VWA8: variants seen among roughly 807,000 people sequenced by gnomAD.
VWA8 encodes the protein von Willebrand factor A domain-containing protein 8.
VWA8 carries 221 observed loss-of-function variants against 241.5 expected under a neutral mutation model. That is an observed-to-expected ratio of 0.91 (90% CI 0.82 to 1.02). VWA8 has a LOEUF of 1.02. VWA8 is among the 50% of genes least tolerant of loss of function. The pLI is 0.00. For missense variants in VWA8, 2,322 were observed against 2,328.7 expected, an observed-to-expected ratio of 1.00 and a Z score of 0.06; for synonymous variants, 852 against 827.1, an observed-to-expected ratio of 1.03 and a Z score of -0.52.
At chr13:41,696,678 T>C (rs1425509885) in intron 29 of VWA8, among the ~76,000 whole-genome samples, 1 of 152,166 alleles carries the variant, frequency 6.6e-6, no homozygotes, top group African/African-American at 2.4e-5. Flanking sequence ...ATAACATGAG[T>C]AATGTAAGCA....
chr13:41,611,792 T>G, intron 38 of VWA8, 60 bp from the exon 39 acceptor site: 1 of 1,600,264 alleles, frequency 6.2e-7, no homozygotes, highest in Admixed American at 1.7e-5. Context: ...GAACAAAAGT[T>G]GGGTCATGGT....
intron 22 of VWA8, 47 bp from the exon 23 acceptor site, chr13:41,729,724 A>T: frequency 6.3e-7 from 1 of 1,586,494 alleles, no homozygotes; most frequent in Non-Finnish European, 8.6e-7. Flanking sequence ...GAAGACAGCC[A>T]TTATTAAAAC....
chr13:41,780,398 C>T (rs1239528040), intron 19 of VWA8, among the ~76,000 whole-genome samples: 1 of 152,206 alleles, frequency 6.6e-6, no homozygotes, highest in Non-Finnish European at 1.5e-5. Flanking sequence ...TTATTACTTT[C>T]TCCTGAACTT....
intron 37 of VWA8, among the ~76,000 whole-genome samples, chr13:41,667,263 A>G (rs764095603): frequency 6.6e-6 from 1 of 152,228 alleles, no homozygotes. Flanking sequence ...AGTACATCAA[A>G]CTGCATTTAT....
intron 16 of VWA8, 40 bp downstream of exon 16, chr13:41,816,658 G>A (rs768972044): frequency 1.9e-6 from 3 of 1,552,346 alleles, no homozygotes; most frequent in Non-Finnish European, 2.6e-6. Flanking sequence ...CCAGCAGCAT[G>A]TCAACAATAG....
At chr13:41,925,027 A>G (rs371620128) in intron 2 of VWA8, among the ~76,000 whole-genome samples, 32 of 152,350 alleles carry the variant, frequency 2.1e-4, no homozygotes, top group East Asian at 1.7e-3. Flanking sequence ...AAAAGCATCA[A>G]GTCACATATA....
intron 21 of VWA8, among the ~76,000 whole-genome samples, chr13:41,737,259 A>T (rs571526073): frequency 6.6e-6 from 1 of 152,346 alleles, no homozygotes; most frequent in South Asian, 2.1e-4. Context: ...TCAAGTGAAG[A>T]TGAGTTCTTG....
At chr13:41,946,058 T>C (rs774681246) in intron 2 of VWA8, among the ~76,000 whole-genome samples, 11 of 151,828 alleles carry the variant, frequency 7.2e-5, no homozygotes, top group Non-Finnish European at 4.4e-5. Context: ...CTTGTTAAGA[T>C]TGATAACTGA....
chr13:41,614,391 C>T lies in VWA8; in HGVS notation c.4720+585G>A, dbSNP rs756932128. 5.3e-5 allele frequency among the ~76,000 whole-genome samples: 8 copies of T among 152,174 alleles called. No homozygotes were observed. The East Asian group carries it at 7.7e-4, about 15-fold the overall frequency. On this transcript the variant is annotated intron_variant, in intron 38 of 44. Transcript: ENST00000379310. ...AGCTGCCGCAGAGGAAAAAGGAAGA[C>T]GGCAGTCCTGGGAACAATGCCCTAG... is the stretch of plus-strand genomic sequence containing the variant.
chr13:41,901,596 A>C (rs1410158443), intron 4 of VWA8, among the ~76,000 whole-genome samples: 1 of 152,094 alleles, frequency 6.6e-6, no homozygotes, highest in Non-Finnish European at 1.5e-5. Flanking sequence ...GGCCAGTCGC[A>C]GTGGCTCACG....
intron 2 of VWA8, among the ~76,000 whole-genome samples, chr13:41,932,328 C>T (rs117651705): frequency 0.018 from 2,796 of 151,996 alleles, 42 homozygotes; most frequent in Non-Finnish European, 0.03. Context: ...AATAACCTCC[C>T]GAAAAGAAAA....
At chr13:41,920,240 G>T (rs1166883697) in intron 2 of VWA8, among the ~76,000 whole-genome samples, 1 of 152,142 alleles carries the variant, frequency 6.6e-6, no homozygotes, top group Non-Finnish European at 1.5e-5. Flanking sequence ...CCAAATTGCA[G>T]CTGTGCCCTA....
At position 41,677,128 on chromosome 13, in the gene VWA8, G is replaced by A. The variant is rs75557997; in HGVS notation, c.4328-1832C>T. On this transcript the variant is annotated intron_variant, in intron 35 of 44. Transcript: ENST00000379310. Reference sequence around the variant, plus strand: ...ATTTCAACATTTGGGGTTATGGCATGGGGATTGTGTTTTTTGGGATTATGA... The same window carrying A: ...ATTTCAACATTTGGGGTTATGGCATAGGGATTGTGTTTTTTGGGATTATGA... Among the ~76,000 whole-genome samples, 1,008 of 152,194 alleles carry A rather than the reference G, an allele frequency of 6.6e-3. 11 individuals are homozygous for A. The highest frequency in any genetic ancestry group is 0.023 in the African/African-American group (963 of 41,532).
At chr13:41,675,417 T>C (rs962508740) in intron 35 of VWA8, 121 bp from the exon 36 acceptor site, 9 of 636,996 alleles carry the variant, frequency 1.4e-5, no homozygotes, top group Non-Finnish European at 2.4e-5. Context: ...CTTGACAAGG[T>C]ACTGGGTCAA....
chr13:41,957,880 TAC>T (rs1356663979), intron 1 of VWA8, among the ~76,000 whole-genome samples: 7 of 152,214 alleles, frequency 4.6e-5, no homozygotes, highest in African/African-American at 1.4e-4. Flanking sequence ...GATATATTTA[TAC>T]AGTTATGTTT....
intron 3 of VWA8, among the ~76,000 whole-genome samples, chr13:41,911,104 C>G (rs947526725): frequency 6.6e-6 from 1 of 150,510 alleles, no homozygotes; most frequent in Non-Finnish European, 1.5e-5. Context: ...CACTTTGCCA[C>G]CCAGGCTGGA....
Position 41,699,105 on chromosome 13 carries a change from G to A in VWA8, c.3530C>T (p.Pro1177Leu). The A allele has an allele frequency of 6.2e-7, 1 of 1,613,926 alleles. No homozygotes were observed. Among genetic ancestry groups the A allele is most frequent in the Non-Finnish European group, 8.5e-7 (1 of 1,179,898 alleles). Residue 1177 changes from proline (P) to leucine (L), a missense_variant, in exon 29 of 45, where the codon CCT becomes CTT. Physicochemically the swap from Pro to Leu is moderately conservative, Grantham distance 98. Coordinates refer to ENST00000379310, the MANE Select transcript of VWA8 (RefSeq NM_015058.2). ...PFVTVAPLGS[P>L]LKGQVVLHEQ... ...ATGGAGAACCACTTGACCTTTGAGA[G>A]GACTTCCCAGCGGTGCCACTGTCAC...
intron 21 of VWA8, among the ~76,000 whole-genome samples, chr13:41,757,869 A>G (rs976254800): frequency 3.3e-5 from 5 of 151,706 alleles, no homozygotes; most frequent in African/African-American, 9.7e-5. Context: ...TCTACGGAAC[A>G]AATTCTTAAC....
At chr13:41,751,309 C>T (rs1391203708) in intron 21 of VWA8, among the ~76,000 whole-genome samples, 2 of 151,904 alleles carry the variant, frequency 1.3e-5, no homozygotes, top group Admixed American at 1.3e-4. Context: ...AACTACTGCC[C>T]AATTGCTAAT....
Sources: allele counts gnomAD v4.1 joint callset (sites outside exome capture counted in the v4.1 genomes callset), GRCh38; gene constraint gnomAD v4.1.1; transcripts MANE v1.5; gene names NCBI Gene and HGNC (gene_info 2026-07-23, HGNC 2026-07-21).